ITGB6: variants seen among roughly 807,000 people sequenced by gnomAD.
The protein encoded by ITGB6 is integrin subunit beta 6.
ITGB6 carries 80 observed loss-of-function variants against 84.5 expected under a neutral mutation model. That is an observed-to-expected ratio of 0.95 (90% CI 0.79 to 1.14). The LOEUF is 1.14. Ranked by LOEUF, ITGB6 falls within the 50% of genes most tolerant of loss-of-function variation. The probability of loss-of-function intolerance (pLI) is 0.00; values close to 1 mark genes in which losing one functional copy is unlikely to be tolerated. For missense variants in ITGB6, 1,006 were observed against 968.0 expected, an observed-to-expected ratio of 1.04 and a Z score of -0.52; for synonymous variants, 383 against 354.9, an observed-to-expected ratio of 1.08 and a Z score of -0.89.
At chr2:160,162,670 G>A (rs1261991322) in intron 7 of ITGB6, among the ~76,000 whole-genome samples, 1 of 152,206 alleles carries the variant, frequency 6.6e-6, no homozygotes, top group Non-Finnish European at 1.5e-5. Flanking sequence ...CCAGGCTAGA[G>A]TGCAATGGTG....
Position 160,195,550 on chromosome 2 carries a change from G to C in ITGB6, c.412C>G (p.Leu138Val). The C allele has an allele frequency of 4.3e-6, 7 of 1,614,118 alleles. No homozygotes were observed. The highest frequency in any genetic ancestry group is 5.9e-6 in the Non-Finnish European group (7 of 1,179,986). Residue 138 changes from leucine (L) to valine (V), a missense_variant, in exon 4 of 15, where the codon CTC (leucine) becomes GTC (valine). Coordinates refer to ENST00000283249, the MANE Select transcript of ITGB6 (RefSeq NM_000888.5). ...TCCATGGAGGCGGAGAGGTCCATGA[G>C]GTAATACAAATCCACCGGGTAGTCC... is the stretch of plus-strand genomic sequence containing the variant. Reference protein sequence around the residue: ...TEDYPVDLYYLMDLSASMDDD... With the variant: ...TEDYPVDLYYVMDLSASMDDD...
chr2:160,163,430 G>A (rs1684890508), intron 7 of ITGB6, among the ~76,000 whole-genome samples: 1 of 152,056 alleles, frequency 6.6e-6, no homozygotes, highest in South Asian at 2.1e-4. Flanking sequence ...TCAGGAGTTC[G>A]AGACCAGTCT....
At position 160,141,200 on chromosome 2, in the gene ITGB6, T is replaced by A. The variant is rs1348400577; in HGVS notation, c.1107+782A>T. Among the ~76,000 whole-genome samples the A allele has an allele frequency of 3.3e-5, 5 of 152,104 alleles. No individual in the cohort carries two copies. The South Asian group carries it at 8.3e-4, about 25-fold the overall frequency. ...TAAAAAATTTACTTTTTTTCATTCC[T>A]ATCCTAATTTAGGGCTTCTTCTTTC... On this transcript the variant is annotated intron_variant, in intron 8 of 14. Coordinates refer to ENST00000283249, the MANE Select transcript of ITGB6 (RefSeq NM_000888.5).
chr2:160,186,242 CA>C (rs1685889783), intron 4 of ITGB6, among the ~76,000 whole-genome samples: 1 of 140,866 alleles, frequency 7.1e-6, no homozygotes, highest in African/African-American at 2.7e-5. Context: ...GGCTAATATC[CA>C]GAATCTACAA....
intron 2 of ITGB6, among the ~76,000 whole-genome samples, chr2:160,198,241 G>C (rs557845695): frequency 6.6e-6 from 1 of 152,136 alleles, no homozygotes; most frequent in Admixed American, 6.5e-5. Flanking sequence ...GGCCGCGTTG[G>C]TCAAGGCCGT....
At chr2:160,163,913 T>C (rs1003493476) in intron 7 of ITGB6, among the ~76,000 whole-genome samples, 1 of 152,216 alleles carries the variant, frequency 6.6e-6, no homozygotes, top group Non-Finnish European at 1.5e-5. Flanking sequence ...ACTATTATTA[T>C]CATAGTCATA....
At chr2:160,137,131 G>A (rs1273063776) in intron 10 of ITGB6, among the ~76,000 whole-genome samples, 1 of 151,984 alleles carries the variant, frequency 6.6e-6, no homozygotes, top group South Asian at 2.1e-4. Context: ...AGGTAATGGA[G>A]TTCATATAAC....
chr2:160,123,140 T>G (rs1266178849), intron 12 of ITGB6, among the ~76,000 whole-genome samples: 1 of 152,220 alleles, frequency 6.6e-6, no homozygotes, highest in Non-Finnish European at 1.5e-5. Context: ...GGTGAAACTT[T>G]GCCACTAGAC....
At chr2:160,108,322 T>C (rs754668685) in intron 13 of ITGB6, among the ~76,000 whole-genome samples, 1 of 149,722 alleles carries the variant, frequency 6.7e-6, no homozygotes, top group East Asian at 2.0e-4. Flanking sequence ...ATATTAAAAG[T>C]TATATAAAAA....
intron 4 of ITGB6, among the ~76,000 whole-genome samples, chr2:160,194,522 T>C (rs922653446): frequency 3.3e-5 from 5 of 152,086 alleles, no homozygotes; most frequent in Admixed American, 6.6e-5. Flanking sequence ...CCTGGGCAAA[T>C]AGCTAATCTC....
At chr2:160,168,005 A>G (rs1460676334) in intron 7 of ITGB6, among the ~76,000 whole-genome samples, 2 of 152,158 alleles carry the variant, frequency 1.3e-5, no homozygotes, top group African/African-American at 4.8e-5. Flanking sequence ...CTCAACTGCA[A>G]CTCTACTACT....
At chr2:160,128,327 C>T (rs1683318941) in intron 10 of ITGB6, among the ~76,000 whole-genome samples, 1 of 150,020 alleles carries the variant, frequency 6.7e-6, no homozygotes, top group South Asian at 2.1e-4. Context: ...AATCATGTGA[C>T]CTGCTTAATA....
At chr2:160,112,677 T>G (rs371133169) in intron 12 of ITGB6, among the ~76,000 whole-genome samples, 3 of 152,046 alleles carry the variant, frequency 2.0e-5, no homozygotes, top group African/African-American at 4.8e-5. Context: ...AACAGTAACA[T>G]AAATTAATAT....
chr2:160,127,746 G>A (rs1328735708), intron 10 of ITGB6, among the ~76,000 whole-genome samples: 3 of 152,186 alleles, frequency 2.0e-5, no homozygotes, highest in African/African-American at 4.8e-5. Flanking sequence ...CAGAAAGCAC[G>A]TAAAAGATAT....
intron 12 of ITGB6, among the ~76,000 whole-genome samples, chr2:160,112,634 A>G (rs11885142): frequency 0.67 from 101,418 of 151,932 alleles, 34,209 homozygotes; most frequent in Admixed American, 0.74. Flanking sequence ...TCTCACAACG[A>G]CATAGTCAAG....
At chr2:160,122,564 G>A (rs559826817) in intron 12 of ITGB6, among the ~76,000 whole-genome samples, 13 of 152,184 alleles carry the variant, frequency 8.5e-5, no homozygotes, top group Non-Finnish European at 1.5e-4. Context: ...ACTAATGTGG[G>A]AAGTCCACAG....
At chr2:160,138,029 G>A in intron 9 of ITGB6, 36 bp downstream of exon 9, 1 of 1,584,422 alleles carries the variant, frequency 6.3e-7, no homozygotes, top group Non-Finnish European at 8.6e-7. Flanking sequence ...ACCCATCCAG[G>A]TATTTATTCA....
chr2:160,143,190 C>CA (rs1418877941), intron 7 of ITGB6, among the ~76,000 whole-genome samples: 1 of 152,048 alleles, frequency 6.6e-6, no homozygotes, highest in Non-Finnish European at 1.5e-5. Context: ...GAGGCTGAGG[C>CA]AGGAGGATCG....
chr2:160,118,413 C>G (rs1466240953), intron 12 of ITGB6, among the ~76,000 whole-genome samples: 1 of 152,126 alleles, frequency 6.6e-6, no homozygotes, highest in Non-Finnish European at 1.5e-5. Flanking sequence ...AAGACAAAAA[C>G]CACATGATTA....
Sources: gnomAD v4.1 joint callset for allele counts (sites outside exome capture counted in the v4.1 genomes callset) on GRCh38, gnomAD v4.1.1 for gene constraint, MANE v1.5 for transcripts, NCBI Gene and HGNC (gene_info 2026-07-23, HGNC 2026-07-21) for gene names.